CCDC146: variants seen among roughly 807,000 people sequenced by gnomAD.
CCDC146 encodes the protein coiled-coil domain containing 146, also known as coiled-coil domain-containing protein 146.
CCDC146 carries 92 observed loss-of-function variants against 119.3 expected under a neutral mutation model. The observed-to-expected ratio is 0.77, with a 90% CI of 0.65 to 0.92. CCDC146 has a LOEUF of 0.92. Ranked by LOEUF, CCDC146 falls within the 40% of genes least tolerant of loss-of-function variation. The pLI is 0.00. For synonymous variants in CCDC146, 372 were observed against 371.8 expected (o/e 1.00, Z -0.01); for missense variants, 1,000 against 1,103.0 (o/e 0.91, Z 1.32).
chr7:77,274,371 T>C, intron 10 of CCDC146, 111 bp from the exon 11 acceptor site: 4 of 776,834 alleles, frequency 5.1e-6, no homozygotes, highest in South Asian at 2.2e-5. Context: ...ACCTGGCCTG[T>C]TTAAAAAAAT....
intron 1 of CCDC146, among the ~76,000 whole-genome samples, chr7:77,141,693 G>A (rs2117418615): frequency 6.6e-6 from 1 of 152,256 alleles, no homozygotes; most frequent in Admixed American, 6.5e-5. Context: ...TTTTTCATAT[G>A]TTTGTTGGCT....
At chr7:77,154,835 G>A (rs1791158667) in intron 1 of CCDC146, among the ~76,000 whole-genome samples, 1 of 151,876 alleles carries the variant, frequency 6.6e-6, no homozygotes, top group South Asian at 2.1e-4. Context: ...GGGATGGCTG[G>A]GTCAAATGGT....
intron 2 of CCDC146, among the ~76,000 whole-genome samples, chr7:77,182,568 T>C (rs776644613): frequency 2.4e-4 from 37 of 152,000 alleles, no homozygotes; most frequent in Non-Finnish European, 5.1e-4. Flanking sequence ...GCTCAGGAGT[T>C]TGAGACCAGC....
intron 9 of CCDC146, among the ~76,000 whole-genome samples, chr7:77,265,638 A>G (rs1471023926): frequency 6.6e-6 from 1 of 152,240 alleles, no homozygotes; most frequent in Non-Finnish European, 1.5e-5. Context: ...CATAAACCTA[A>G]TACACAATGT....
intron 5 of CCDC146, among the ~76,000 whole-genome samples, 166 bp from the exon 6 acceptor site, chr7:77,256,167 G>A (rs1310665964): frequency 6.6e-6 from 1 of 152,128 alleles, no homozygotes; most frequent in African/African-American, 2.4e-5. Context: ...GAAATCATAA[G>A]TTGCATTTAG....
rs532815743 is a variant in CCDC146, at chr7:77,259,242, A to G, written c.758+174A>G. On this transcript the variant is annotated intron_variant, in intron 7 of 18. Transcript: ENST00000285871. ...GTTCTTTAAAAGAAAGTAATGCACC[A>G]AATTTCTATCATTCATAGTATTTAT... 3 of 507,316 alleles carry G rather than the reference A, an allele frequency of 5.9e-6. No homozygotes were observed. The South Asian group carries it at 9.8e-5, about 17-fold the overall frequency. The allele number at this position is 507,316 out of a possible 1,614,324, so 31.4% of individuals were successfully genotyped here.
chr7:77,203,174 G>C (rs904618817), intron 2 of CCDC146, among the ~76,000 whole-genome samples: 25 of 152,026 alleles, frequency 1.6e-4, no homozygotes, highest in African/African-American at 5.1e-4. Context: ...GGGTAGGAAA[G>C]GAGATGGAGG....
At chr7:77,271,877 G>T (rs1224524619) in intron 9 of CCDC146, among the ~76,000 whole-genome samples, 3 of 152,126 alleles carry the variant, frequency 2.0e-5, no homozygotes, top group Non-Finnish European at 4.4e-5. Flanking sequence ...AGAGCCTTTA[G>T]TTGACATAGT....
At chr7:77,210,112 C>CT (rs1792155178) in intron 2 of CCDC146, among the ~76,000 whole-genome samples, 1 of 152,178 alleles carries the variant, frequency 6.6e-6, no homozygotes, top group African/African-American at 2.4e-5. Flanking sequence ...CTGGATTTTT[C>CT]TTTTCTACCA....
intron 2 of CCDC146, among the ~76,000 whole-genome samples, chr7:77,221,970 C>T (rs1441645008): frequency 6.6e-6 from 1 of 152,158 alleles, no homozygotes; most frequent in Non-Finnish European, 1.5e-5. Context: ...AACTGAATGG[C>T]TTCTATACAC....
At chr7:77,284,268 T>C (rs1793811339) in intron 15 of CCDC146, among the ~76,000 whole-genome samples, 1 of 152,156 alleles carries the variant, frequency 6.6e-6, no homozygotes, top group Non-Finnish European at 1.5e-5. Context: ...CATACTCTTC[T>C]TGGGGGCACT....
chr7:77,201,268 G>A (rs1440263123), intron 2 of CCDC146, among the ~76,000 whole-genome samples: 3 of 152,090 alleles, frequency 2.0e-5, no homozygotes, highest in Admixed American at 6.6e-5. Flanking sequence ...TTGGCTGGGC[G>A]TGGTGGCTCA....
At chr7:77,177,412 A>C (rs1791516280) in intron 2 of CCDC146, among the ~76,000 whole-genome samples, 1 of 152,212 alleles carries the variant, frequency 6.6e-6, no homozygotes, top group Admixed American at 6.5e-5. Context: ...ATTCTGTAAT[A>C]GGAGTTTTGA....
chr7:77,166,150 C>A (rs1584036423), intron 1 of CCDC146, among the ~76,000 whole-genome samples: 1 of 152,214 alleles, frequency 6.6e-6, no homozygotes, highest in Middle Eastern at 3.4e-3. Flanking sequence ...TATTGCACAA[C>A]CTCCAGAAGT....
At chr7:77,142,038 G>A (rs59874225) in intron 1 of CCDC146, among the ~76,000 whole-genome samples, 1,654 of 148,636 alleles carry the variant, frequency 0.011, 21 homozygotes, top group African/African-American at 0.039. Context: ...TAGGGTTTTT[G>A]TGGTTTTAGG....
intron 2 of CCDC146, among the ~76,000 whole-genome samples, chr7:77,227,215 A>G (rs1233277110): frequency 2.6e-5 from 4 of 152,232 alleles, no homozygotes; most frequent in Non-Finnish European, 5.9e-5. Context: ...CAGGAAAGGA[A>G]ACCTCTGTAG....
chr7:77,214,014 A>G (rs1792252696), intron 2 of CCDC146, among the ~76,000 whole-genome samples: 2 of 152,216 alleles, frequency 1.3e-5, no homozygotes, highest in South Asian at 2.1e-4. Flanking sequence ...TGGTGGTTCT[A>G]TTTTTAGTTC....
intron 4 of CCDC146, among the ~76,000 whole-genome samples, chr7:77,253,858 C>G (rs1793126494): frequency 6.6e-6 from 1 of 152,150 alleles, no homozygotes; most frequent in Non-Finnish European, 1.5e-5. Context: ...CGAGAGCATA[C>G]CAGCTGGAGG....
At chr7:77,197,920 A>T (rs1791906023) in intron 2 of CCDC146, among the ~76,000 whole-genome samples, 1 of 152,172 alleles carries the variant, frequency 6.6e-6, no homozygotes, top group Non-Finnish European at 1.5e-5. Context: ...TTACTCCCAG[A>T]TAGTTTTTAT....
Sources: gnomAD v4.1 joint callset for allele counts (sites outside exome capture counted in the v4.1 genomes callset) on GRCh38, gnomAD v4.1.1 for gene constraint, MANE v1.5 for transcripts, NCBI Gene and HGNC (gene_info 2026-07-23, HGNC 2026-07-21) for gene names.